Variants in SH3PXD2A observed in about 807,000 individuals in gnomAD.
SH3PXD2A encodes the protein SH3 and PX domain-containing protein 2A.
In SH3PXD2A, 32 loss-of-function variants were observed where a neutral mutation model predicts 115.2. The observed-to-expected ratio is 0.28, with a 90% CI of 0.21 to 0.37. The LOEUF (loss-of-function observed/expected upper bound fraction) is 0.37, where lower values mean the gene tolerates loss of function less well. Among genes scored for constraint, SH3PXD2A ranks in the 10% least tolerant of loss-of-function variants. The pLI, the probability that SH3PXD2A is intolerant of heterozygous loss-of-function variation, is 1.00. For synonymous variants in SH3PXD2A, 610 were observed against 629.1 expected, an observed-to-expected ratio of 0.97 and a Z score of 0.45; for missense variants, 1,328 against 1,498.7, an observed-to-expected ratio of 0.89 and a Z score of 1.88.
At chr10:103,684,622 A>T (rs942560540) in intron 6 of SH3PXD2A, among the ~76,000 whole-genome samples, 2 of 152,072 alleles carry the variant, frequency 1.3e-5, no homozygotes, top group Non-Finnish European at 2.9e-5. Context: ...AAGTGCTAGG[A>T]TTACAGGAGC....
At chr10:103,840,155 A>G (rs2039583348) in intron 1 of SH3PXD2A, among the ~76,000 whole-genome samples, 1 of 152,232 alleles carries the variant, frequency 6.6e-6, no homozygotes, top group South Asian at 2.1e-4. Flanking sequence ...GACCCATCTC[A>G]TTCCAACAAT....
intron 1 of SH3PXD2A, among the ~76,000 whole-genome samples, chr10:103,835,744 C>G (rs2039533000): frequency 6.6e-6 from 1 of 152,152 alleles, no homozygotes; most frequent in South Asian, 2.1e-4. Context: ...GTCACAACAA[C>G]TTTTCCCTGA....
chr10:103,841,346 G>A (rs1298408516), intron 1 of SH3PXD2A, among the ~76,000 whole-genome samples: 1 of 152,194 alleles, frequency 6.6e-6, no homozygotes, highest in Non-Finnish European at 1.5e-5. Flanking sequence ...CTTGCACACA[G>A]TAGGCACAAA....
intron 5 of SH3PXD2A, 195 bp from the exon 6 acceptor site, chr10:103,693,251 G>A: frequency 1.4e-5 from 2 of 146,252 alleles, no homozygotes; most frequent in East Asian, 4.1e-4. Context: ...CCGCCCGCGG[G>A]CCCCCTGCCA....
At chr10:103,728,885 G>GTTTTTTTTTTTTTTT in intron 4 of SH3PXD2A, among the ~76,000 whole-genome samples, 1 of 99,190 alleles carries the variant, frequency 1.0e-5, no homozygotes, top group Admixed American at 8.9e-5. Context: ...TGTTTTTTTT[G>GTTTTTTTTTTTTTTT]TTTGTTTGTT....
chr10:103,645,156 G>C (rs1458505755), intron 8 of SH3PXD2A, among the ~76,000 whole-genome samples: 3 of 152,192 alleles, frequency 2.0e-5, no homozygotes, highest in African/African-American at 7.2e-5. Flanking sequence ...CCCCCAGCTA[G>C]ACCAAGAGCT....
chr10:103,604,403 A>G (rs928332993), intron 14 of SH3PXD2A, among the ~76,000 whole-genome samples: 1 of 152,228 alleles, frequency 6.6e-6, no homozygotes, highest in Non-Finnish European at 1.5e-5. Context: ...TCCTGTAGGA[A>G]GGGCAGGGGG....
chr10:103,637,711 T>C (rs1464149678), intron 8 of SH3PXD2A, among the ~76,000 whole-genome samples: 1 of 152,128 alleles, frequency 6.6e-6, no homozygotes, highest in Non-Finnish European at 1.5e-5. Context: ...GAATAGGGCA[T>C]TTGCGAGCTC....
intron 2 of SH3PXD2A, among the ~76,000 whole-genome samples, chr10:103,774,507 C>T (rs1359579163): frequency 6.6e-6 from 1 of 152,134 alleles, no homozygotes; most frequent in Non-Finnish European, 1.5e-5. Flanking sequence ...ACATCTGGGC[C>T]ATCTCTGTGT....
At chr10:103,630,901 G>A (rs1322351145) in intron 8 of SH3PXD2A, among the ~76,000 whole-genome samples, 1 of 152,056 alleles carries the variant, frequency 6.6e-6, no homozygotes. Flanking sequence ...TTCCTGCACC[G>A]TTTACCTTAC....
intron 6 of SH3PXD2A, among the ~76,000 whole-genome samples, chr10:103,683,555 G>C (rs1192503238): frequency 6.6e-6 from 1 of 152,128 alleles, no homozygotes; most frequent in African/African-American, 2.4e-5. Context: ...CCACCTACTT[G>C]GGAGGATGAG....
chr10:103,703,919 T>A (rs1298035498), intron 5 of SH3PXD2A, among the ~76,000 whole-genome samples: 1 of 152,192 alleles, frequency 6.6e-6, no homozygotes, highest in Non-Finnish European at 1.5e-5. Context: ...AAATCCCAGC[T>A]CTGCCAGACA....
At chr10:103,812,836 G>C (rs2039283960) in intron 1 of SH3PXD2A, among the ~76,000 whole-genome samples, 1 of 152,228 alleles carries the variant, frequency 6.6e-6, no homozygotes, top group African/African-American at 2.4e-5. Flanking sequence ...GCTTGAGAGA[G>C]ACAAGAACAA....
chr10:103,640,509 C>T (rs1031156943), intron 8 of SH3PXD2A, among the ~76,000 whole-genome samples: 7 of 152,018 alleles, frequency 4.6e-5, no homozygotes, highest in South Asian at 2.1e-4. Context: ...GACAGGCTGC[C>T]TCAATGCACT....
At chr10:103,663,162 G>A (rs2037337419) in intron 7 of SH3PXD2A, among the ~76,000 whole-genome samples, 1 of 152,196 alleles carries the variant, frequency 6.6e-6, no homozygotes, top group South Asian at 2.1e-4. Context: ...CACTAGCCTG[G>A]CTACAAAAAT....
Position 103,595,649 on chromosome 10 carries a change from AG to A in SH3PXD2A, c.*6166del, listed in dbSNP as rs2036121656. 1 of 152,404 alleles carries A rather than the reference AG, an allele frequency of 6.6e-6. No homozygotes were observed. Among genetic ancestry groups the A allele is most frequent in the South Asian group, 2.1e-4 (1 of 4,836 alleles). The allele number at this position is 152,404 out of a possible 1,614,324, so 9.4% of individuals were successfully genotyped here. A position where few individuals can be genotyped will look rare whatever the true frequency, so the allele number is the denominator to read the frequency against. ...GGAGCAAGGCGGGGACCTTCAGTGC[AG>A]GGGACCCCATTCTCTAAGGCCACTG... On this transcript the variant is annotated 3_prime_UTR_variant, in exon 15 of 15. Transcript: ENST00000369774.
intron 1 of SH3PXD2A, among the ~76,000 whole-genome samples, chr10:103,814,000 A>G (rs986050936): frequency 1.4e-5 from 1 of 73,608 alleles, no homozygotes; most frequent in Non-Finnish European, 3.2e-5. Context: ...TGGACTAGCT[A>G]AAAAAAAAAA....
intron 1 of SH3PXD2A, among the ~76,000 whole-genome samples, chr10:103,854,618 A>G (rs921510836): frequency 6.6e-6 from 1 of 152,154 alleles, no homozygotes; most frequent in Non-Finnish European, 1.5e-5. Flanking sequence ...AAAAGCCACA[A>G]TTCTCCTCAC....
At chr10:103,651,156 A>G (rs1186821353) in intron 8 of SH3PXD2A, among the ~76,000 whole-genome samples, 4 of 152,156 alleles carry the variant, frequency 2.6e-5, no homozygotes, top group African/African-American at 9.7e-5. Context: ...AGTGGAAAGA[A>G]GAAGGCACTG....
Sources: allele counts gnomAD v4.1 joint callset (sites outside exome capture counted in the v4.1 genomes callset), GRCh38; gene constraint gnomAD v4.1.1; transcripts MANE v1.5; gene names NCBI Gene and HGNC (gene_info 2026-07-23, HGNC 2026-07-21).